GLS2: variants seen among roughly 807,000 people sequenced by gnomAD.
The protein encoded by GLS2 is glutaminase 2, also known as glutaminase liver isoform, mitochondrial.
GLS2 carries 52 observed loss-of-function variants against 79.0 expected under a neutral mutation model. The observed-to-expected ratio is 0.66, with a 90% CI of 0.53 to 0.83. The LOEUF (loss-of-function observed/expected upper bound fraction) is 0.83, where lower values mean the gene tolerates loss of function less well. Among genes scored for constraint, GLS2 ranks in the 40% least tolerant of loss-of-function variants. GLS2 has a pLI of 0.00. For synonymous variants in GLS2, 238 were observed against 280.8 expected, an observed-to-expected ratio of 0.85 and a Z score of 1.52; for missense variants, 561 against 764.8, an observed-to-expected ratio of 0.73 and a Z score of 3.14.
At chr12:56,487,014 A>G (rs1870746762) in intron 1 of GLS2, among the ~76,000 whole-genome samples, 1 of 151,886 alleles carries the variant, frequency 6.6e-6, no homozygotes, top group African/African-American at 2.4e-5. Flanking sequence ...TGGCTACTTT[A>G]CTGATGGTGT....
intron 7 of GLS2, chr12:56,476,674 A>G (rs1166980280): frequency 6.8e-6 from 1 of 148,032 alleles, no homozygotes; most frequent in Non-Finnish European, 1.5e-5. Flanking sequence ...GCTCAACTGC[A>G]AGCTCCGCCT....
chr12:56,486,354 G>A (rs1284779314), intron 1 of GLS2, among the ~76,000 whole-genome samples: 1 of 152,168 alleles, frequency 6.6e-6, no homozygotes, highest in East Asian at 1.9e-4. Context: ...TGCAGAAGGC[G>A]GACAGATGAG....
chr12:56,473,981 T>C (rs1207559721), intron 12 of GLS2: 5 of 181,022 alleles, frequency 2.8e-5, no homozygotes, highest in African/African-American at 1.2e-4. Context: ...GATAGGGTGG[T>C]CAGAAAAGTC....
chr12:56,478,017 T>A lies in GLS2; in HGVS notation c.694A>T (p.Thr232Ser), dbSNP rs1327892493. The change falls in exon 6 of 18, where the codon ACC (threonine) becomes TCC (serine). Residue 232 changes from threonine (T) to serine (S), a missense_variant. By Grantham distance (58) the Thr-to-Ser change is moderately conservative. Transcript: ENST00000311966. ...TTGTGCACGTAGTCAGTGCCTAGGGTGCTTATGGAGATGGCATAGGTGAGG... is the reference window on the plus strand; with the variant it reads ...TTGTGCACGTAGTCAGTGCCTAGGGAGCTTATGGAGATGGCATAGGTGAGG... ...KPLTYAISIS[T>S]LGTDYVHKFV... is the part of the protein sequence containing the mutation. 6.8e-6 allele frequency: 11 copies of A among 1,613,898 alleles called. No individual in the cohort carries two copies. The highest frequency in any genetic ancestry group is 8.5e-6 in the Non-Finnish European group (10 of 1,179,988).
At chr12:56,475,756 C>A (rs930523245) in intron 8 of GLS2, 74 bp from the exon 9 acceptor site, 36 of 1,528,282 alleles carry the variant, frequency 2.4e-5, no homozygotes, top group Middle Eastern at 1.7e-4. Flanking sequence ...GTTGACTAGC[C>A]CTTCTGAACT....
At chr12:56,472,652 A>C in intron 15 of GLS2, 38 bp downstream of exon 15, 3 of 1,575,260 alleles carry the variant, frequency 1.9e-6, no homozygotes, top group Non-Finnish European at 2.6e-6. Context: ...TCTGACCAGG[A>C]GTATTTTATT....
At position 56,485,465 on chromosome 12, in the gene GLS2, A is replaced by G. The variant is rs574756576; in HGVS notation, c.182+2472T>C. ...TTTTTGGCAGAGACAGGGTTTTGCC[A>G]TGCTGCCCAAGCTGGTTTCGAACTC... On this transcript the variant is annotated intron_variant, in intron 1 of 17. Coordinates refer to ENST00000311966, the MANE Select transcript of GLS2 (RefSeq NM_013267.4). Among the ~76,000 whole-genome samples the G allele has an allele frequency of 5.3e-5, 8 of 151,128 alleles. No homozygotes were observed. The South Asian group carries it at 1.7e-3, about 32-fold the overall frequency.
In GLS2 at chr12:56,474,543, C is replaced by T. The variant is rs1469719484; in HGVS notation, c.1224+1G>A. 5 of 1,613,754 alleles carry T rather than the reference C, an allele frequency of 3.1e-6. No individual in the cohort carries two copies. The highest frequency in any genetic ancestry group is 1.7e-5 in the Admixed American group (1 of 60,022). ...GATGGATAGCAGAGCCAGAAACTCACGTGGAAGGCAAACTGGCCAGAGAAG... is the reference window on the plus strand; with the variant it reads ...GATGGATAGCAGAGCCAGAAACTCATGTGGAAGGCAAACTGGCCAGAGAAG... On this transcript the variant is annotated splice_donor_variant, in intron 12 of 17. Transcript: ENST00000311966. LOFTEE classifies it high-confidence loss of function.
intron 7 of GLS2, chr12:56,476,459 T>A (rs1026435807): frequency 1.7e-5 from 3 of 173,054 alleles, no homozygotes; most frequent in African/African-American, 7.2e-5. Context: ...GCTGGAGCTT[T>A]ACTCCATCCC....
In GLS2 at chr12:56,471,009, G is replaced by A. The variant is rs549284332; in HGVS notation, c.*478C>T. ...AATACTTTCTCTGTCTATAAAATTG[G>A]CTGTTAGCAGTAGCAGCAGCATGTC... is the stretch of plus-strand genomic sequence containing the variant. On this transcript the variant is annotated 3_prime_UTR_variant, in exon 18 of 18. Transcript: ENST00000311966. The A allele has an allele frequency of 9.0e-6, 2 of 221,040 alleles. No homozygotes were observed. The highest frequency in any genetic ancestry group is 4.5e-5 in the African/African-American group (2 of 44,312). The allele number at this position is 221,040 out of a possible 1,614,324, so 13.7% of individuals were successfully genotyped here.
intron 9 of GLS2, 37 bp from the exon 10 acceptor site, chr12:56,475,147 G>A (rs1275060438): frequency 6.2e-7 from 1 of 1,613,178 alleles, no homozygotes; most frequent in Non-Finnish European, 8.5e-7. Flanking sequence ...TGAAGTTGGA[G>A]GAGTGGGTGT....
chr12:56,472,197 T>C lies in GLS2; in HGVS notation c.1512-2A>G, dbSNP rs1230644076. On this transcript the variant is annotated splice_acceptor_variant, in intron 15 of 17. Coordinates refer to ENST00000311966, the MANE Select transcript of GLS2 (RefSeq NM_013267.4). LOFTEE classifies it high-confidence loss of function. ...ATATCCATGGCTGACAAGGCAAACC[T>C]GAGGGTAGTGGGAAAGCAGCTAGAG... 2 of 1,613,922 alleles carry C rather than the reference T, an allele frequency of 1.2e-6. No homozygotes were observed. The highest frequency in any genetic ancestry group is 8.5e-7 in the Non-Finnish European group (1 of 1,179,978).
At chr12:56,482,858 G>C (rs1291529112) in intron 1 of GLS2, among the ~76,000 whole-genome samples, 1 of 151,730 alleles carries the variant, frequency 6.6e-6, no homozygotes, top group African/African-American at 2.4e-5. Flanking sequence ...CAGCCTCCCA[G>C]AGTGCTGGGA....
At chr12:56,476,590 ATT>A (rs761969192) in intron 7 of GLS2, 26 of 125,946 alleles carry the variant, frequency 2.1e-4, no homozygotes, top group Non-Finnish European at 1.9e-4. Context: ...CCCTGCCTCA[ATT>A]TTTTTTTTTT....
At chr12:56,474,444 A>C in intron 12 of GLS2, 100 bp downstream of exon 12, 1 of 1,448,486 alleles carries the variant, frequency 6.9e-7, no homozygotes, top group Admixed American at 2.0e-5. Flanking sequence ...TTAGTGAATG[A>C]GAGGCAGGAA....
intron 1 of GLS2, among the ~76,000 whole-genome samples, chr12:56,484,979 A>G (rs1870570121): frequency 6.6e-6 from 1 of 152,218 alleles, no homozygotes. Flanking sequence ...TAATTGAACA[A>G]GTGTACAAGA....
At chr12:56,482,971 C>T (rs1870408938) in intron 1 of GLS2, among the ~76,000 whole-genome samples, 1 of 152,116 alleles carries the variant, frequency 6.6e-6, no homozygotes, top group Non-Finnish European at 1.5e-5. Flanking sequence ...AGATCTTTGA[C>T]CCAGTAATTT....
chr12:56,473,790 T>C, intron 12 of GLS2, 196 bp from the exon 13 acceptor site: 1 of 647,152 alleles, frequency 1.5e-6, no homozygotes, highest in Non-Finnish European at 2.4e-6. Flanking sequence ...AGCTAGAAAA[T>C]ATTTTTTGAA....
chr12:56,478,369 C>A (rs1428593454), intron 4 of GLS2, 107 bp from the exon 5 acceptor site: 3 of 1,209,110 alleles, frequency 2.5e-6, no homozygotes, highest in African/African-American at 1.5e-5. Context: ...ATTCTGTCTT[C>A]TATAGGGCAG....
Sources: gnomAD v4.1 joint callset for allele counts (sites outside exome capture counted in the v4.1 genomes callset) on GRCh38, gnomAD v4.1.1 for gene constraint, MANE v1.5 for transcripts, NCBI Gene and HGNC (gene_info 2026-07-23, HGNC 2026-07-21) for gene names.